SRGAP3: variants seen among roughly 807,000 people sequenced by gnomAD.
The protein encoded by SRGAP3 is SLIT-ROBO Rho GTPase-activating protein 3.
In SRGAP3, 39 loss-of-function variants were observed where a neutral mutation model predicts 121.1. The observed-to-expected ratio is 0.32, with a 90% CI of 0.25 to 0.42. The LOEUF (loss-of-function observed/expected upper bound fraction) is 0.42. Ranked by LOEUF, SRGAP3 falls within the 10% of genes least tolerant of loss-of-function variation. SRGAP3 has a pLI of 1.00. For synonymous variants in SRGAP3, 601 were observed against 570.0 expected, an observed-to-expected ratio of 1.05 and a Z score of -0.77; for missense variants, 1,213 against 1,470.6, an observed-to-expected ratio of 0.82 and a Z score of 2.86.
chr3:9,147,274 A>G (rs144191377), intron 1 of SRGAP3, among the ~76,000 whole-genome samples: 11 of 152,276 alleles, frequency 7.2e-5, no homozygotes, highest in African/African-American at 2.6e-4. Context: ...ACTGTAGAGG[A>G]CAAGAATATG....
chr3:9,322,661 T>C (rs1955456650), intron 3 of SRGAP3, among the ~76,000 whole-genome samples: 1 of 151,858 alleles, frequency 6.6e-6, no homozygotes, highest in Non-Finnish European at 1.5e-5. Context: ...TGCCTGATGA[T>C]CTGGGGTGGA....
intron 1 of SRGAP3, among the ~76,000 whole-genome samples, chr3:9,146,813 C>T (rs1048550806): frequency 7.2e-5 from 11 of 152,316 alleles, no homozygotes; most frequent in African/African-American, 2.6e-4. Flanking sequence ...CGATGCGTCC[C>T]TCTTGGGTGC....
At chr3:9,108,965 C>A (rs1948520502) in intron 2 of SRGAP3, among the ~76,000 whole-genome samples, 1 of 152,146 alleles carries the variant, frequency 6.6e-6, no homozygotes, top group Admixed American at 6.5e-5. Flanking sequence ...GATTCCGAGG[C>A]TCAGATCTTA....
At chr3:9,038,820 G>A (rs572622646) in intron 10 of SRGAP3, among the ~76,000 whole-genome samples, 4 of 152,124 alleles carry the variant, frequency 2.6e-5, no homozygotes, top group East Asian at 3.9e-4. Flanking sequence ...CTCCCCTCTC[G>A]CTAGCATCAC....
chr3:9,094,369 C>G (rs1947882577), intron 3 of SRGAP3, among the ~76,000 whole-genome samples: 1 of 152,182 alleles, frequency 6.6e-6, no homozygotes, highest in South Asian at 2.1e-4. Flanking sequence ...AACCATTTCC[C>G]TAGCGATGGA....
Position 9,186,563 on chromosome 3 carries a change from T to C in SRGAP3, c.68-61646A>G, listed in dbSNP as rs17050146. ...AGAAACTTGTTTAATCCTCATGTAA[T>C]TCACCAGTGAAGTATTACTTCGCCC... On this transcript the variant is annotated intron_variant, in intron 1 of 21. Coordinates refer to ENST00000383836, the MANE Select transcript of SRGAP3 (RefSeq NM_014850.4). Among the ~76,000 whole-genome samples the C allele has an allele frequency of 8.7e-3, 1,320 of 152,300 alleles. 24 individuals are homozygous for C. Among genetic ancestry groups the C allele is most frequent in the African/African-American group, 0.03 (1,250 of 41,550 alleles).
chr3:9,348,116 G>A (rs747189081), intron 1 of SRGAP3, among the ~76,000 whole-genome samples: 28 of 152,256 alleles, frequency 1.8e-4, no homozygotes, highest in Non-Finnish European at 2.4e-4. Context: ...TGGGTTCACC[G>A]CAACAGTAGA....
At chr3:9,226,860 C>G (rs974466196) in intron 1 of SRGAP3, among the ~76,000 whole-genome samples, 1 of 152,134 alleles carries the variant, frequency 6.6e-6, no homozygotes, top group African/African-American at 2.4e-5. Context: ...TTCATTTCAT[C>G]GATAACACAG....
intron 3 of SRGAP3, among the ~76,000 whole-genome samples, chr3:9,303,076 CTTAT>C (rs1419508968): frequency 7.1e-6 from 1 of 141,826 alleles, no homozygotes; most frequent in Non-Finnish European, 1.5e-5. Context: ...TTTTTTCTTA[CTTAT>C]ATTTTTTCCT....
At chr3:9,010,696 T>C (rs987874275) in intron 17 of SRGAP3, among the ~76,000 whole-genome samples, 2 of 152,096 alleles carry the variant, frequency 1.3e-5, no homozygotes, top group African/African-American at 4.8e-5. Flanking sequence ...AGGGCAGTGG[T>C]AAAACCCCAG....
chr3:9,127,041 G>T (rs1425781196), intron 1 of SRGAP3, among the ~76,000 whole-genome samples: 1 of 152,128 alleles, frequency 6.6e-6, no homozygotes, highest in Non-Finnish European at 1.5e-5. Flanking sequence ...GCTACTCAAA[G>T]TGTGGTCCAT....
chr3:9,247,892 T>C (rs888626560), intron 1 of SRGAP3, among the ~76,000 whole-genome samples: 1 of 152,236 alleles, frequency 6.6e-6, no homozygotes, highest in Non-Finnish European at 1.5e-5. Flanking sequence ...ATGGAGCTTT[T>C]AGATTTTCCT....
chr3:8,996,940 G>A (rs1329257781), intron 18 of SRGAP3, among the ~76,000 whole-genome samples: 2 of 152,184 alleles, frequency 1.3e-5, no homozygotes, highest in Non-Finnish European at 2.9e-5. Flanking sequence ...ACCATCACCA[G>A]AGCCTCCAGC....
intron 1 of SRGAP3, among the ~76,000 whole-genome samples, chr3:9,360,037 C>T (rs1476418757): frequency 6.6e-6 from 1 of 152,180 alleles, no homozygotes; most frequent in Non-Finnish European, 1.5e-5. Context: ...CCAAGCAATC[C>T]TCCCATGTCA....
At chr3:9,055,169 G>C (rs1197496497) in intron 8 of SRGAP3, among the ~76,000 whole-genome samples, 4 of 152,178 alleles carry the variant, frequency 2.6e-5, no homozygotes. Context: ...ACCTCCCCCT[G>C]GGGACTGCAC....
chr3:9,088,334 C>G lies in SRGAP3; in HGVS notation c.424-8247G>C, dbSNP rs74683716. The stretch of plus-strand genomic sequence containing the variant: ...ATGGCTCCTCCAGATTGACGGAGCA[C>G]AGCCCTGTCTTTCACGCTCAAATAA... On this transcript the variant is annotated intron_variant, in intron 3 of 21. Coordinates refer to ENST00000383836, the MANE Select transcript of SRGAP3 (RefSeq NM_014850.4). 1.9e-4 allele frequency among the ~76,000 whole-genome samples: 29 copies of G among 152,288 alleles called. 1 individual carries two copies. In the East Asian group the frequency reaches 3.7e-3, roughly 19 times the overall value.
chr3:9,149,476 G>C (rs772899692), intron 1 of SRGAP3, among the ~76,000 whole-genome samples: 1 of 152,094 alleles, frequency 6.6e-6, no homozygotes, highest in African/African-American at 2.4e-5. Context: ...TCACTAAAGG[G>C]GCAAAATCTA....
chr3:9,228,564 G>A (rs551887789), intron 1 of SRGAP3, among the ~76,000 whole-genome samples: 48 of 152,320 alleles, frequency 3.2e-4, no homozygotes, highest in African/African-American at 1.1e-3. Flanking sequence ...GGTTACACTA[G>A]CCAGCTCCTG....
chr3:9,026,734 C>G (rs1041256767), intron 13 of SRGAP3, among the ~76,000 whole-genome samples: 5 of 152,214 alleles, frequency 3.3e-5, no homozygotes, highest in African/African-American at 1.2e-4. Context: ...CTTGGATCCT[C>G]TCACCATGAT....
Sources: gnomAD v4.1 joint callset for allele counts (sites outside exome capture counted in the v4.1 genomes callset) on GRCh38, gnomAD v4.1.1 for gene constraint, MANE v1.5 for transcripts, NCBI Gene and HGNC (gene_info 2026-07-23, HGNC 2026-07-21) for gene names.